PIWIL4: variants seen among roughly 807,000 people sequenced by gnomAD.
PIWIL4 encodes the protein piwi like RNA-mediated gene silencing 4.
PIWIL4 carries 50 observed loss-of-function variants against 100.9 expected under a neutral mutation model. That is an observed-to-expected ratio of 0.50 (90% confidence interval 0.39 to 0.63). The LOEUF (loss-of-function observed/expected upper bound fraction) is 0.63, where lower values mean the gene tolerates loss of function less well. Ranked by LOEUF, PIWIL4 falls within the 20% of genes least tolerant of loss-of-function variation. PIWIL4 has a pLI of 0.00. For synonymous variants in PIWIL4, 342 were observed against 367.5 expected, an observed-to-expected ratio of 0.93 and a Z score of 0.79; for missense variants, 887 against 1,043.3, an observed-to-expected ratio of 0.85 and a Z score of 2.06.
intron 11 of PIWIL4, among the ~76,000 whole-genome samples, chr11:94,601,281 C>G: frequency 6.6e-6 from 1 of 152,156 alleles, no homozygotes; most frequent in East Asian, 1.9e-4. Flanking sequence ...CCATGTTCTT[C>G]TGCCATGGCT....
At position 94,585,498 on chromosome 11, in the gene PIWIL4, C is replaced by T; in HGVS notation, c.689C>T (p.Ser230Leu). Residue 230 changes from serine to leucine, a missense_variant, in exon 6 of 20, where the codon TCA becomes TTA. By Grantham distance (145) the Ser-to-Leu change is moderately radical. Coordinates refer to ENST00000299001, the MANE Select transcript of PIWIL4 (RefSeq NM_152431.3). ...ATTGGACGGAACTTCTATAATCCTT[C>T]AGAGCCAATGGAAATTCCCCAGCAC... ...YQIGRNFYNPSEPMEIPQHKL... is the reference protein window; with the variant it reads ...YQIGRNFYNPLEPMEIPQHKL... 1 of 1,610,086 alleles carries T rather than the reference C, an allele frequency of 6.2e-7. No homozygotes were observed. The highest frequency in any genetic ancestry group is 8.5e-7 in the Non-Finnish European group (1 of 1,178,514).
chr11:94,598,033 C>G, intron 11 of PIWIL4, 118 bp downstream of exon 11: 2 of 704,894 alleles, frequency 2.8e-6, no homozygotes, highest in East Asian at 5.5e-5. Context: ...GTACTTCCAT[C>G]TCTTTATCCT....
chr11:94,604,895 T>A (rs969789533), intron 13 of PIWIL4, among the ~76,000 whole-genome samples: 16 of 152,218 alleles, frequency 1.1e-4, no homozygotes, highest in Non-Finnish European at 2.2e-4. Flanking sequence ...GGATCTTATA[T>A]GAAACAGAGA....
rs1219617178 is a variant in PIWIL4, at chr11:94,601,951, A to G, written c.1537A>G (p.Met513Val). ...CTGCTTGAGAAGAGTTGCAGGTTCCATGGGATTTAATGTGGACTACCCCAA... is the reference window on the plus strand; with the variant it reads ...CTGCTTGAGAAGAGTTGCAGGTTCCGTGGGATTTAATGTGGACTACCCCAA... ...LNCLRRVAGS[M>V]GFNVDYPKII... is the part of the protein sequence containing the mutation. Residue 513 changes from methionine (M) to valine (V), a missense_variant, in exon 12 of 20, where the codon ATG becomes GTG. Coordinates refer to ENST00000299001, the MANE Select transcript of PIWIL4 (RefSeq NM_152431.3). The G allele has an allele frequency of 3.0e-5, 48 of 1,611,182 alleles. No individual in the cohort carries two copies. Among genetic ancestry groups the G allele is most frequent in the Non-Finnish European group, 3.8e-5 (45 of 1,179,402 alleles).
At chr11:94,600,224 T>G (rs571648033) in intron 11 of PIWIL4, among the ~76,000 whole-genome samples, 4 of 152,212 alleles carry the variant, frequency 2.6e-5, no homozygotes, top group Non-Finnish European at 5.9e-5. Flanking sequence ...TCATCTTTGC[T>G]TCTAAGCATA....
At chr11:94,568,652 G>A in intron 1 of PIWIL4, 78 bp from the exon 2 acceptor site, 1 of 1,124,638 alleles carries the variant, frequency 8.9e-7, no homozygotes, top group Non-Finnish European at 1.3e-6. Context: ...CTAAAGACCT[G>A]ACACTGTTCT....
chr11:94,590,046 A>G lies in PIWIL4; in HGVS notation c.1026+814A>G, dbSNP rs568420874. Among the ~76,000 whole-genome samples, 6 of 152,336 alleles carry G rather than the reference A, an allele frequency of 3.9e-5. No individual in the cohort carries two copies. In the South Asian group the frequency reaches 1.2e-3, roughly 32 times the overall value. On this transcript the variant is annotated intron_variant, in intron 8 of 19. Coordinates refer to ENST00000299001, the MANE Select transcript of PIWIL4 (RefSeq NM_152431.3). ...TTTGAAAGCACCTTCTCTTTAATGT[A>G]TAGTAATATTCAGGTTAAAACAAAC...
chr11:94,593,550 G>A lies in PIWIL4; in HGVS notation c.1059G>A (p.Gln353=), dbSNP rs1474084173. 8 of 1,613,664 alleles carry A rather than the reference G, an allele frequency of 5.0e-6. No homozygotes were observed. In the African/African-American group the frequency reaches 1.1e-4, roughly 22 times the overall value. ...ATATTACTGTATCGGACCTGAATCA[G>A]CCCATGCTTGTTAGTCTGTTAAAGA... ...QYDITVSDLN[Q]PMLVSLLKKK... Residue 353 remains glutamine, a synonymous_variant, in exon 9 of 20, where the codon CAG becomes CAA. Coordinates refer to ENST00000299001, the MANE Select transcript of PIWIL4 (RefSeq NM_152431.3).
At chr11:94,579,904 G>A (rs1948290202) in intron 4 of PIWIL4, among the ~76,000 whole-genome samples, 1 of 152,102 alleles carries the variant, frequency 6.6e-6, no homozygotes, top group Non-Finnish European at 1.5e-5. Context: ...TACATTTCTA[G>A]CACTAGTTTA....
intron 15 of PIWIL4, among the ~76,000 whole-genome samples, 171 bp from the exon 16 acceptor site, chr11:94,616,322 A>T (rs890649610): frequency 6.6e-6 from 1 of 150,846 alleles, no homozygotes; most frequent in African/African-American, 2.4e-5. Context: ...TTCTCAATAA[A>T]TTCTTTTTGG....
rs776746390 is a variant in PIWIL4, at chr11:94,619,795, G to A, written c.2204G>A (p.Cys735Tyr). The change falls in exon 18 of 20, where the codon TGC (cysteine) becomes TAC (tyrosine). Residue 735 changes from cysteine (C) to tyrosine (Y), a missense_variant. Physicochemically the swap from Cys to Tyr is radical, Grantham distance 194. Around this residue, in one of 2 missense-constraint regions of PIWIL4, gnomAD observed 741 missense variants for 930.0 expected, o/e 0.80. Transcript: ENST00000299001. ...RLSVIVVRKK[C>Y]MPRFFTEMNR... ...TCGGTGATTGTGGTCAGGAAGAAGT[G>A]CATGCCACGATTCTTTACCGAAATG... 9 of 1,614,024 alleles carry A rather than the reference G, an allele frequency of 5.6e-6. No homozygotes were observed. Among genetic ancestry groups the A allele is most frequent in the Non-Finnish European group, 7.6e-6 (9 of 1,180,026 alleles).
chr11:94,602,051 A>G, intron 12 of PIWIL4, 72 bp downstream of exon 12: 7 of 1,399,254 alleles, frequency 5.0e-6, no homozygotes, highest in Non-Finnish European at 3.9e-6. Flanking sequence ...TGGCAGATGT[A>G]TCAACAAAAG....
chr11:94,618,081 T>C lies in PIWIL4; in HGVS notation c.2142T>C (p.Ser714=). The change falls in exon 17 of 20, where the codon AGT becomes AGC. Residue 714 remains serine (S), a synonymous_variant. Transcript: ENST00000299001. ...ATGAAGTCCCACAGCTGCTGAGCAG[T>C]GTGGCAGAATCCAGCTCAAATACCA... is the stretch of plus-strand genomic sequence containing the variant. ...IEYEVPQLLS[S]VAESSSNTSS... is the part of the protein sequence containing the mutation. 1 of 1,584,938 alleles carries C rather than the reference T, an allele frequency of 6.3e-7. No homozygotes were observed. Among genetic ancestry groups the C allele is most frequent in the Non-Finnish European group, 8.6e-7 (1 of 1,162,660 alleles).
At chr11:94,603,021 A>G (rs1266145297) in intron 12 of PIWIL4, among the ~76,000 whole-genome samples, 1 of 152,240 alleles carries the variant, frequency 6.6e-6, no homozygotes, top group African/African-American at 2.4e-5. Context: ...TTTATTTGAA[A>G]GCTCGTATTT....
At chr11:94,610,246 C>A (rs1361714623) in intron 15 of PIWIL4, among the ~76,000 whole-genome samples, 1 of 152,008 alleles carries the variant, frequency 6.6e-6, no homozygotes. Context: ...GTGTGTATAT[C>A]TCACAATTTC....
intron 15 of PIWIL4, among the ~76,000 whole-genome samples, chr11:94,612,324 T>A (rs1214326877): frequency 1.3e-5 from 2 of 152,050 alleles, no homozygotes; most frequent in Middle Eastern, 3.4e-3. Context: ...GGTTTTTTTT[T>A]TTTTTTTTAC....
intron 14 of PIWIL4, 191 bp from the exon 15 acceptor site, chr11:94,608,392 C>A (rs905724423): frequency 5.4e-6 from 3 of 556,566 alleles, no homozygotes; most frequent in South Asian, 2.3e-5. Context: ...GTACCATATT[C>A]TTCCTGCCTT....
Position 94,620,963 on chromosome 11 carries a change from G to A in PIWIL4, c.2530G>A (p.Glu844Lys). Residue 844 changes from glutamate (E) to lysine (K), a missense_variant, in exon 20 of 20, where the codon GAA (glutamate) becomes AAA (lysine). By Grantham distance (56) the Glu-to-Lys change is moderately conservative (BLOSUM62 1). Coordinates refer to ENST00000299001, the MANE Select transcript of PIWIL4 (RefSeq NM_152431.3). ...AAGCATTCATAAAGAACCCAGTCTG[G>A]AATTAGCCAACCATCTCTTCTACCT... Reference protein sequence around the residue: ...AQSIHKEPSLELANHLFYL With the variant: ...AQSIHKEPSLKLANHLFYL 6.2e-7 allele frequency: 1 copy of A among 1,613,440 alleles called. No individual in the cohort carries two copies. The highest frequency in any genetic ancestry group is 8.5e-7 in the Non-Finnish European group (1 of 1,179,780).
chr11:94,608,539 A>G (rs765799922), intron 14 of PIWIL4, 44 bp from the exon 15 acceptor site: 1 of 1,530,656 alleles, frequency 6.5e-7, no homozygotes, highest in Admixed American at 1.7e-5. Flanking sequence ...GGTAGGGGAA[A>G]TGATACCTCA....
Sources: allele counts gnomAD v4.1 joint callset (sites outside exome capture counted in the v4.1 genomes callset), GRCh38; gene constraint gnomAD v4.1.1; regional missense constraint gnomAD v4.1.1; transcripts MANE v1.5; gene names NCBI Gene and HGNC (gene_info 2026-07-23, HGNC 2026-07-21).